Variants in PRR5L observed in about 807,000 individuals in gnomAD.
PRR5L encodes the protein proline-rich protein 5-like.
PRR5L carries 21 observed loss-of-function variants against 36.4 expected under a neutral mutation model. The ratio of observed to expected loss-of-function variants is 0.58; its 90% CI spans 0.41 to 0.83. The LOEUF (loss-of-function observed/expected upper bound fraction) is 0.83, where lower values mean the gene tolerates loss of function less well. Ranked by LOEUF, PRR5L falls within the 40% of genes least tolerant of loss-of-function variation. The pLI is 0.00. For missense variants in PRR5L, 381 were observed against 473.3 expected, an observed-to-expected ratio of 0.80 and a Z score of 1.81; for synonymous variants, 188 against 197.0, an observed-to-expected ratio of 0.95 and a Z score of 0.38.
At chr11:36,374,106 CTCT>C in intron 1 of PRR5L, among the ~76,000 whole-genome samples, 1 of 58,194 alleles carries the variant, frequency 1.7e-5, no homozygotes, top group African/African-American at 9.2e-5. Context: ...TCCTTCCTTC[CTCT>C]CTCTCTCTCT....
intron 1 of PRR5L, among the ~76,000 whole-genome samples, chr11:36,342,409 G>A (rs551956712): frequency 1.3e-5 from 2 of 152,226 alleles, no homozygotes; most frequent in African/African-American, 4.8e-5. Flanking sequence ...GGAAGCCTAG[G>A]GTTCAGGAGA....
intron 4 of PRR5L, among the ~76,000 whole-genome samples, chr11:36,423,120 A>G (rs1299526009): frequency 1.3e-5 from 2 of 152,154 alleles, no homozygotes; most frequent in African/African-American, 2.4e-5. Flanking sequence ...TTTGCTTGAT[A>G]TAGAAACTCA....
intron 1 of PRR5L, among the ~76,000 whole-genome samples, chr11:36,331,324 C>G (rs76708809): frequency 0.096 from 14,630 of 152,066 alleles, 1,286 homozygotes; most frequent in African/African-American, 0.24. Context: ...CTGTCTTGAT[C>G]TCAAAATCAG....
chr11:36,308,244 C>G (rs1856455507), intron 1 of PRR5L, among the ~76,000 whole-genome samples: 1 of 152,196 alleles, frequency 6.6e-6, no homozygotes, highest in Non-Finnish European at 1.5e-5. Context: ...GCTGCTGTGC[C>G]ATTCTGTGTC....
chr11:36,317,693 G>T (rs1054035622), intron 1 of PRR5L, among the ~76,000 whole-genome samples: 2 of 152,190 alleles, frequency 1.3e-5, no homozygotes, highest in East Asian at 3.8e-4. Flanking sequence ...ATACCTATTT[G>T]CATTTTCATG....
intron 3 of PRR5L, among the ~76,000 whole-genome samples, chr11:36,415,419 A>G (rs11033609): frequency 0.11 from 16,914 of 152,142 alleles, 1,053 homozygotes; most frequent in African/African-American, 0.17. Flanking sequence ...AGGACACACA[A>G]CCCAGTGCTT....
chr11:36,354,072 C>T (rs145492107), intron 1 of PRR5L, among the ~76,000 whole-genome samples: 2 of 152,310 alleles, frequency 1.3e-5, no homozygotes, highest in African/African-American at 4.8e-5. Flanking sequence ...AGACAGACTT[C>T]ATTGTCAGGA....
chr11:36,377,314 A>G lies in PRR5L; in HGVS notation c.-125-23683A>G, dbSNP rs996839298. Among the ~76,000 whole-genome samples the G allele has an allele frequency of 6.6e-6, 1 of 152,154 alleles. No individual in the cohort carries two copies. Among genetic ancestry groups the G allele is most frequent in the South Asian group, 2.1e-4 (1 of 4,832 alleles). On this transcript the variant is annotated intron_variant, in intron 1 of 8. Transcript: ENST00000530639. The surrounding 1 kb of genome is among the most constrained non-coding windows in gnomAD (Gnocchi z 5.1). Reference sequence around the variant, plus strand: ...GGGGATCCCGCCGGGACGGGCTGTGAGCAAGCCCTGGGACGGCCCGGCTGC... The same window carrying G: ...GGGGATCCCGCCGGGACGGGCTGTGGGCAAGCCCTGGGACGGCCCGGCTGC...
chr11:36,438,097 ATTC>A (rs1266608277), intron 6 of PRR5L, among the ~76,000 whole-genome samples: 2 of 152,192 alleles, frequency 1.3e-5, no homozygotes, highest in African/African-American at 2.4e-5. Context: ...CACCTCTAGT[ATTC>A]TTATTCTGTG....
chr11:36,309,899 A>T (rs556789559), intron 1 of PRR5L, among the ~76,000 whole-genome samples: 1 of 86,962 alleles, frequency 1.1e-5, no homozygotes, highest in South Asian at 3.5e-4. Flanking sequence ...ATCACCCATG[A>T]TTATCCCGTT....
rs1857296668 is a variant in PRR5L, at chr11:36,377,622, G to A, written c.-125-23375G>A. The A allele has an allele frequency of 6.6e-6, 1 of 152,366 alleles. No individual in the cohort carries two copies. The highest frequency in any genetic ancestry group is 2.1e-4 in the South Asian group (1 of 4,830). 9.4% of individuals were successfully genotyped at this position (152,366 alleles called of 1,614,324 possible). ...GATGCCTTCCTGTCTGGCAAAAGGG[G>A]TTACCCCCAGTTCTACCCAGTCCCT... On this transcript the variant is annotated intron_variant, in intron 1 of 8. Coordinates refer to ENST00000530639, the MANE Select transcript of PRR5L (RefSeq NM_001160167.2). The surrounding 1 kb of genome is among the most constrained non-coding windows in gnomAD (Gnocchi z 5.1).
At chr11:36,438,891 C>A (rs1858661711) in intron 6 of PRR5L, among the ~76,000 whole-genome samples, 1 of 152,124 alleles carries the variant, frequency 6.6e-6, no homozygotes, top group Non-Finnish European at 1.5e-5. Context: ...GCTGAGATTG[C>A]ACCACTGCAC....
At chr11:36,363,726 C>T (rs1424684729) in intron 1 of PRR5L, among the ~76,000 whole-genome samples, 1 of 152,228 alleles carries the variant, frequency 6.6e-6, no homozygotes, top group African/African-American at 2.4e-5. Context: ...CTGTACCTGC[C>T]TGACACTGGC....
intron 1 of PRR5L, chr11:36,323,349 G>A (rs1160837299): frequency 3.9e-5 from 6 of 152,190 alleles, no homozygotes; most frequent in Non-Finnish European, 1.5e-5. Context: ...ACCTGTTACC[G>A]ACCTCAGAGC....
chr11:36,444,798 A>G (rs566061508), intron 6 of PRR5L, among the ~76,000 whole-genome samples: 1 of 152,142 alleles, frequency 6.6e-6, no homozygotes, highest in Non-Finnish European at 1.5e-5. Flanking sequence ...ACTTCCCTGG[A>G]AGGTTGTGAA....
intron 1 of PRR5L, chr11:36,376,848 G>T (rs886945419): frequency 2.3e-5 from 12 of 518,958 alleles, no homozygotes; most frequent in Middle Eastern, 9.7e-4. Context: ...TGTCACGTTT[G>T]GGGGGGCAAC....
intron 1 of PRR5L, among the ~76,000 whole-genome samples, chr11:36,391,605 G>A (rs1170772085): frequency 1.3e-5 from 2 of 152,158 alleles, no homozygotes; most frequent in African/African-American, 4.8e-5. Context: ...AATGTAAATG[G>A]CATTGGTCCT....
chr11:36,360,654 G>A (rs764433091), intron 1 of PRR5L, among the ~76,000 whole-genome samples: 39 of 152,340 alleles, frequency 2.6e-4, no homozygotes, highest in Admixed American at 1.1e-3. Flanking sequence ...TATGTTTAGG[G>A]TCAGTGTGGA....
intron 1 of PRR5L, among the ~76,000 whole-genome samples, chr11:36,316,495 T>TTGGGAAG (rs1856558862): frequency 6.6e-6 from 1 of 152,094 alleles, no homozygotes; most frequent in African/African-American, 2.4e-5. Context: ...AAGTAGGGGC[T>TTGGGAAG]TGGGAAGTGG....
Sources: gnomAD v4.1 joint callset for allele counts (sites outside exome capture counted in the v4.1 genomes callset) on GRCh38, gnomAD v4.1.1 for gene constraint, Gnocchi (gnomAD v3.1) non-coding constraint, MANE v1.5 for transcripts, NCBI Gene and HGNC (gene_info 2026-07-23, HGNC 2026-07-21) for gene names.